Variants in JAK2 observed in about 807,000 individuals in gnomAD.
JAK2 encodes the protein tyrosine-protein kinase JAK2.
A neutral mutation model predicts 139.3 loss-of-function variants in JAK2; 86 were observed. The ratio of observed to expected loss-of-function variants is 0.62; its 90% confidence interval spans 0.52 to 0.74. The LOEUF is 0.74. Ranked by LOEUF, JAK2 falls within the 30% of genes least tolerant of loss-of-function variation. The pLI, the probability that JAK2 is intolerant of heterozygous loss-of-function variation, is 0.00. For synonymous variants in JAK2, 490 were observed against 437.7 expected, an observed-to-expected ratio of 1.12 and a Z score of -1.49; for missense variants, 1,421 against 1,360.3, an observed-to-expected ratio of 1.04 and a Z score of -0.70.
At chr9:5,082,309 C>G (rs1819759034) in intron 19 of JAK2, among the ~76,000 whole-genome samples, 1 of 152,194 alleles carries the variant, frequency 6.6e-6, no homozygotes, top group Non-Finnish European at 1.5e-5. Context: ...GGAAAGGAAT[C>G]TGTGTCACAA....
At chr9:5,092,138 T>C (rs1000722695) in intron 22 of JAK2, among the ~76,000 whole-genome samples, 2 of 152,116 alleles carry the variant, frequency 1.3e-5, no homozygotes, top group Non-Finnish European at 2.9e-5. Context: ...GGTCAACGTG[T>C]AGCTCATGAG....
At chr9:5,053,398 T>C (rs931730892) in intron 6 of JAK2, among the ~76,000 whole-genome samples, 4 of 152,140 alleles carry the variant, frequency 2.6e-5, no homozygotes, top group African/African-American at 9.6e-5. Flanking sequence ...ATCATATTTA[T>C]GATTTGCCAT....
At chr9:5,029,246 G>A (rs1420327765) in intron 3 of JAK2, among the ~76,000 whole-genome samples, 4 of 152,128 alleles carry the variant, frequency 2.6e-5, no homozygotes, top group Admixed American at 2.6e-4. Flanking sequence ...GAGAGGGAGA[G>A]ACACAGGAAT....
At chr9:4,988,975 C>T (rs937966231) in intron 2 of JAK2, among the ~76,000 whole-genome samples, 3 of 152,158 alleles carry the variant, frequency 2.0e-5, no homozygotes, top group Non-Finnish European at 4.4e-5. Flanking sequence ...GGACACATTT[C>T]CTGAGCCTAG....
At chr9:5,065,136 A>T in intron 9 of JAK2, 96 bp downstream of exon 9, 1 of 744,414 alleles carries the variant, frequency 1.3e-6, no homozygotes, top group Non-Finnish European at 1.9e-6. Flanking sequence ...TTTAGAAAAA[A>T]ATAATTTGAC....
chr9:5,011,834 G>T (rs2129965294), intron 2 of JAK2, among the ~76,000 whole-genome samples: 1 of 152,276 alleles, frequency 6.6e-6, no homozygotes, highest in East Asian at 1.9e-4. Flanking sequence ...AGGCTTTGTT[G>T]GGACAGGTCT....
intron 16 of JAK2, among the ~76,000 whole-genome samples, chr9:5,079,743 C>T (rs2130601126): frequency 6.6e-6 from 1 of 152,014 alleles, no homozygotes; most frequent in Middle Eastern, 3.4e-3. Flanking sequence ...TCACTTAAGC[C>T]CAAGAGGTCA....
chr9:5,040,315 A>C (rs1816388982), intron 4 of JAK2, among the ~76,000 whole-genome samples: 1 of 152,000 alleles, frequency 6.6e-6, no homozygotes, highest in Admixed American at 6.5e-5. Flanking sequence ...CTTAAAGTGG[A>C]TCATAGGCCT....
intron 9 of JAK2, 135 bp downstream of exon 9, chr9:5,065,175 C>A: frequency 2.1e-6 from 1 of 469,276 alleles, no homozygotes; most frequent in East Asian, 3.4e-5. Flanking sequence ...AGGCTATTTG[C>A]AATCAGATTA....
chr9:5,112,549 G>A (rs1822700885), intron 22 of JAK2: 3 of 605,570 alleles, frequency 5.0e-6, no homozygotes, highest in East Asian at 3.0e-5. Context: ...GAAGCAGGTG[G>A]CCAATAACGC....
At chr9:5,011,209 A>G (rs1321746623) in intron 2 of JAK2, among the ~76,000 whole-genome samples, 1 of 151,290 alleles carries the variant, frequency 6.6e-6, no homozygotes, top group Non-Finnish European at 1.5e-5. Context: ...TGTTCCACTT[A>G]TATGTATCAG....
chr9:5,005,135 G>GTTTT (rs1821210773), intron 2 of JAK2, among the ~76,000 whole-genome samples: 1 of 80,144 alleles, frequency 1.2e-5, no homozygotes, highest in African/African-American at 4.7e-5. Context: ...TTTTTTTTAG[G>GTTTT]TACAGGGTCT....
intron 4 of JAK2, among the ~76,000 whole-genome samples, chr9:5,033,949 C>T (rs1217875771): frequency 3.3e-5 from 5 of 152,180 alleles, no homozygotes; most frequent in African/African-American, 4.8e-5. Context: ...GACTGGTAAA[C>T]TGGATAAAGA....
At chr9:5,105,735 A>G (rs1821901844) in intron 22 of JAK2, among the ~76,000 whole-genome samples, 1 of 152,244 alleles carries the variant, frequency 6.6e-6, no homozygotes, top group Admixed American at 6.5e-5. Context: ...ATGGAACAGA[A>G]CAGAGGCCTC....
chr9:4,998,655 CA>C (rs1261856097), intron 2 of JAK2, among the ~76,000 whole-genome samples: 2 of 151,670 alleles, frequency 1.3e-5, no homozygotes, highest in African/African-American at 2.4e-5. Context: ...GCTTTTCCTA[CA>C]AATGTGGCTT....
At position 5,055,517 on chromosome 9, in the gene JAK2, T is replaced by C; in HGVS notation, c.937-152T>C. 3 of 544,934 alleles carry C rather than the reference T, an allele frequency of 5.5e-6. No individual in the cohort carries two copies. In the South Asian group the frequency reaches 7.2e-5, roughly 13 times the overall value. 33.8% of individuals were successfully genotyped at this position (544,934 alleles called of 1,614,324 possible). A position where few individuals can be genotyped will look rare whatever the true frequency, so the allele number is the denominator to read the frequency against. ...ATACAGCATAGTCTTAGGGTTAGAT[T>C]GATAGAGTAAATCACGTTTAATGCT... is the stretch of plus-strand genomic sequence containing the variant. On this transcript the variant is annotated intron_variant, in intron 7 of 24. Transcript: ENST00000381652.
At chr9:5,112,857 G>T (rs1822747428) in intron 22 of JAK2, 2 of 471,382 alleles carry the variant, frequency 4.2e-6, no homozygotes, top group African/African-American at 2.0e-5. Context: ...TGAAAGGTAC[G>T]CCTCCGTGGG....
At chr9:5,113,092 G>A (rs377342322) in intron 22 of JAK2, among the ~76,000 whole-genome samples, 113 of 151,396 alleles carry the variant, frequency 7.5e-4, no homozygotes, top group African/African-American at 2.6e-3. Context: ...CACTGCCCTC[G>A]CTCCCCCTGC....
chr9:5,127,759 A>T lies in JAK2; in HGVS notation c.*968A>T. The T allele has an allele frequency of 4.3e-6, 1 of 232,660 alleles. No homozygotes were observed. Among genetic ancestry groups the T allele is most frequent in the Non-Finnish European group, 8.5e-6 (1 of 117,278 alleles). The allele number at this position is 232,660 out of a possible 1,614,324, so 14.4% of individuals were successfully genotyped here. ...AAATAGATTAGATTGTTTTTTAAAA[A>T]TGGATAGCTCATTAAGAAGTGCAGC... On this transcript the variant is annotated 3_prime_UTR_variant, in exon 25 of 25. Coordinates refer to ENST00000381652, the MANE Select transcript of JAK2 (RefSeq NM_004972.4).
Sources: gnomAD v4.1 joint callset for allele counts (sites outside exome capture counted in the v4.1 genomes callset) on GRCh38, gnomAD v4.1.1 for gene constraint, MANE v1.5 for transcripts, NCBI Gene and HGNC (gene_info 2026-07-23, HGNC 2026-07-21) for gene names.